The following FGF14 variants were observed in gnomAD, a reference collection of about 807,000 sequenced individuals.
FGF14 encodes the protein fibroblast growth factor 14.
Under a neutral mutation model 25.5 loss-of-function variants are expected in FGF14, and 5 were observed. The ratio of observed to expected loss-of-function variants is 0.20; its 90% confidence interval spans 0.10 to 0.41. FGF14 has a LOEUF of 0.41. Among genes scored for constraint, FGF14 ranks in the 10% least tolerant of loss-of-function variants. FGF14 has a pLI of 1.00. For synonymous variants in FGF14, 138 were observed against 118.3 expected (o/e 1.17, Z -1.08); for missense variants, 222 against 320.1 (o/e 0.69, Z 2.34).
chr13:102,159,182 T>C (rs1317145557), intron 1 of FGF14, among the ~76,000 whole-genome samples: 1 of 149,686 alleles, frequency 6.7e-6, no homozygotes, highest in African/African-American at 2.5e-5. Context: ...ATTCAAGGGG[T>C]TCACCTTCTG....
At chr13:102,300,231 G>T (rs2054958621) in intron 1 of FGF14, 1 of 152,038 alleles carries the variant, frequency 6.6e-6, no homozygotes, top group Non-Finnish European at 1.5e-5. Context: ...TTAGAACCTG[G>T]CTCATAACTC....
At chr13:101,939,750 G>C (rs1397861833) in intron 1 of FGF14, among the ~76,000 whole-genome samples, 1 of 152,126 alleles carries the variant, frequency 6.6e-6, no homozygotes, top group South Asian at 2.1e-4. Flanking sequence ...ACTATCAGAA[G>C]GATTCAATAT....
intron 1 of FGF14, among the ~76,000 whole-genome samples, chr13:101,981,393 A>G (rs943784182): frequency 1.3e-4 from 20 of 152,302 alleles, no homozygotes; most frequent in African/African-American, 4.6e-4. Context: ...ACCAAATACC[A>G]AATCTGCCAG....
chr13:101,988,032 C>T (rs2038688359), intron 1 of FGF14, among the ~76,000 whole-genome samples: 1 of 151,922 alleles, frequency 6.6e-6, no homozygotes, highest in South Asian at 2.1e-4. Flanking sequence ...GCATAAGAAG[C>T]CATATGTAAA....
intron 3 of FGF14, among the ~76,000 whole-genome samples, chr13:101,736,878 C>G (rs1365570573): frequency 6.6e-6 from 1 of 151,120 alleles, no homozygotes; most frequent in Non-Finnish European, 1.5e-5. Flanking sequence ...TATACCAGTT[C>G]TCAAAACAAT....
At chr13:101,884,055 T>C (rs1594600542) in intron 1 of FGF14, among the ~76,000 whole-genome samples, 3 of 43,198 alleles carry the variant, frequency 6.9e-5, no homozygotes, top group African/African-American at 9.7e-5. Flanking sequence ...AGAGTAAGAC[T>C]CCATCTCAAA....
At chr13:101,813,293 A>G (rs2041670440) in intron 3 of FGF14, among the ~76,000 whole-genome samples, 1 of 152,128 alleles carries the variant, frequency 6.6e-6, no homozygotes, top group South Asian at 2.1e-4. Context: ...TTAATGACCA[A>G]TGTGATAGTT....
At chr13:101,975,688 T>C (rs1234244803) in intron 1 of FGF14, among the ~76,000 whole-genome samples, 1 of 152,242 alleles carries the variant, frequency 6.6e-6, no homozygotes, top group Non-Finnish European at 1.5e-5. Context: ...TCGTTCCCGC[T>C]GAAACATAGG....
intron 1 of FGF14, among the ~76,000 whole-genome samples, chr13:102,092,915 G>C (rs1280733250): frequency 1.3e-5 from 2 of 152,092 alleles, no homozygotes; most frequent in East Asian, 3.9e-4. Context: ...GAAGAAGAAG[G>C]CAGCATGAAG....
rs116728856 is a variant in FGF14, at chr13:101,902,342, T to G, written c.193+14111A>C. 8.2e-3 allele frequency among the ~76,000 whole-genome samples: 1,242 copies of G among 152,270 alleles called. 14 individuals carry two copies. Among genetic ancestry groups the G allele is most frequent in the African/African-American group, 0.028 (1,170 of 41,550 alleles). Reference sequence around the variant, plus strand: ...TTTTCTTGTGTCTATCTAAGGTTCTTTACAGTGTCCAGAGGTATTTAAATG... The same window carrying G: ...TTTTCTTGTGTCTATCTAAGGTTCTGTACAGTGTCCAGAGGTATTTAAATG... On this transcript the variant is annotated intron_variant, in intron 1 of 4. Transcript: ENST00000376143.
At chr13:101,735,999 G>T (rs1384680879) in intron 3 of FGF14, among the ~76,000 whole-genome samples, 3 of 152,156 alleles carry the variant, frequency 2.0e-5, no homozygotes, top group Non-Finnish European at 2.9e-5. Flanking sequence ...AATGTCAACA[G>T]AGAACAAATA....
intron 1 of FGF14, among the ~76,000 whole-genome samples, chr13:102,134,709 T>C (rs1052460629): frequency 9.2e-5 from 14 of 152,176 alleles, no homozygotes; most frequent in African/African-American, 3.4e-4. Context: ...TAGTGACTGA[T>C]ATGGCATCTG....
chr13:101,809,024 T>C (rs966349142), intron 3 of FGF14, among the ~76,000 whole-genome samples: 1 of 152,106 alleles, frequency 6.6e-6, no homozygotes, highest in Admixed American at 6.6e-5. Flanking sequence ...TTTGAATGCA[T>C]GCTTTCAAAT....
intron 1 of FGF14, among the ~76,000 whole-genome samples, chr13:102,190,807 C>G (rs1235724145): frequency 6.6e-6 from 1 of 152,090 alleles, no homozygotes; most frequent in African/African-American, 2.4e-5. Context: ...TGTCAACTAA[C>G]CAACAGAGAA....
At chr13:102,194,100 A>T (rs1004832437) in intron 1 of FGF14, among the ~76,000 whole-genome samples, 14 of 152,326 alleles carry the variant, frequency 9.2e-5, no homozygotes, top group African/African-American at 3.4e-4. Context: ...CATATAAATT[A>T]TTTAAAAAAT....
At chr13:101,782,076 A>C (rs931210937) in intron 3 of FGF14, among the ~76,000 whole-genome samples, 2 of 152,158 alleles carry the variant, frequency 1.3e-5, no homozygotes. Context: ...TTCAGTTTGA[A>C]TTCCAGTCCT....
intron 3 of FGF14, among the ~76,000 whole-genome samples, chr13:101,785,650 G>A (rs547906724): frequency 1.3e-5 from 2 of 152,050 alleles, no homozygotes; most frequent in South Asian, 4.1e-4. Flanking sequence ...TATCTTTAAA[G>A]TAGGATACCT....
intron 1 of FGF14, among the ~76,000 whole-genome samples, chr13:101,989,728 G>C (rs1473454683): frequency 2.0e-5 from 3 of 152,092 alleles, no homozygotes; most frequent in Non-Finnish European, 4.4e-5. Flanking sequence ...AAACTACTTG[G>C]CAAAGAGGTA....
intron 1 of FGF14, among the ~76,000 whole-genome samples, chr13:101,974,118 C>G (rs2037780452): frequency 1.3e-5 from 2 of 152,126 alleles, no homozygotes; most frequent in Non-Finnish European, 2.9e-5. Context: ...GCTACTCAGT[C>G]AAGAGAGAAT....
Sources: gnomAD v4.1 joint callset for allele counts (sites outside exome capture counted in the v4.1 genomes callset) on GRCh38, gnomAD v4.1.1 for gene constraint, MANE v1.5 for transcripts, NCBI Gene and HGNC (gene_info 2026-07-23, HGNC 2026-07-21) for gene names.